Variants in DLG2 observed in about 807,000 individuals in gnomAD.
The protein encoded by DLG2 is discs large MAGUK scaffold protein 2.
In DLG2, 45 loss-of-function variants were observed where a neutral mutation model predicts 132.5. The ratio of observed to expected loss-of-function variants is 0.34; its 90% CI spans 0.27 to 0.44. The LOEUF (loss-of-function observed/expected upper bound fraction) is 0.44. Among genes scored for constraint, DLG2 ranks in the 20% least tolerant of loss-of-function variants. DLG2 has a pLI of 1.00. For missense variants in DLG2, 1,045 were observed against 1,196.9 expected (o/e 0.87, Z 1.87); for synonymous variants, 424 against 419.6 (o/e 1.01, Z -0.13).
At chr11:84,333,788 C>G (rs554010909) in intron 7 of DLG2, among the ~76,000 whole-genome samples, 25 of 152,278 alleles carry the variant, frequency 1.6e-4, no homozygotes. Flanking sequence ...CCTAGTATCA[C>G]TCATACTGGG....
intron 3 of DLG2, among the ~76,000 whole-genome samples, chr11:85,454,945 T>C (rs1202064447): frequency 6.6e-6 from 1 of 152,200 alleles, no homozygotes; most frequent in Non-Finnish European, 1.5e-5. Context: ...TACTTTGAAG[T>C]CAGGTAACAT....
At chr11:84,899,938 T>A (rs927736101) in intron 6 of DLG2, among the ~76,000 whole-genome samples, 1 of 152,046 alleles carries the variant, frequency 6.6e-6, no homozygotes, top group Non-Finnish European at 1.5e-5. Flanking sequence ...TTCAGTGCAC[T>A]CAATAGTACC....
intron 6 of DLG2, among the ~76,000 whole-genome samples, chr11:84,540,144 G>A (rs1017425282): frequency 9.9e-5 from 15 of 152,118 alleles, no homozygotes; most frequent in African/African-American, 3.4e-4. Flanking sequence ...AGAACTTCAT[G>A]TCTAAAACAC....
At chr11:85,530,560 A>G (rs921298218) in intron 3 of DLG2, among the ~76,000 whole-genome samples, 1 of 152,012 alleles carries the variant, frequency 6.6e-6, no homozygotes, top group Non-Finnish European at 1.5e-5. Flanking sequence ...TCACCTTGTC[A>G]TCTGCCCACC....
intron 7 of DLG2, among the ~76,000 whole-genome samples, chr11:84,273,778 G>T (rs1180841151): frequency 6.6e-6 from 1 of 152,110 alleles, no homozygotes; most frequent in Admixed American, 6.6e-5. Context: ...TACTCACAGT[G>T]TCATTTAATA....
At chr11:83,885,573 A>T (rs539855986) in intron 15 of DLG2, among the ~76,000 whole-genome samples, 1 of 152,178 alleles carries the variant, frequency 6.6e-6, no homozygotes, top group African/African-American at 2.4e-5. Context: ...GCAGGCCAAC[A>T]TTCAGATTCA....
intron 7 of DLG2, among the ~76,000 whole-genome samples, chr11:84,506,084 T>TTTTTTTTTG (rs2099239242): frequency 7.7e-6 from 1 of 130,024 alleles, no homozygotes; most frequent in Non-Finnish European, 1.6e-5. Context: ...CAGTTCTTTT[T>TTTTTTTTTG]TTTTTTTTTG....
At chr11:84,290,176 T>C (rs1202995752) in intron 7 of DLG2, among the ~76,000 whole-genome samples, 1 of 152,172 alleles carries the variant, frequency 6.6e-6, no homozygotes, top group African/African-American at 2.4e-5. Flanking sequence ...TAACCTTATT[T>C]CATTCTATAT....
chr11:84,499,707 TC>T (rs545656966), intron 7 of DLG2, among the ~76,000 whole-genome samples: 70 of 152,288 alleles, frequency 4.6e-4, no homozygotes, highest in African/African-American at 1.7e-3. Flanking sequence ...TTCACTGTTC[TC>T]TCTTTCTGTC....
intron 15 of DLG2, among the ~76,000 whole-genome samples, chr11:83,926,665 C>T (rs1042483990): frequency 2.6e-5 from 4 of 151,974 alleles, no homozygotes; most frequent in Admixed American, 6.6e-5. Flanking sequence ...TGTAATAAGA[C>T]GTAGACTGTG....
intron 6 of DLG2, chr11:84,640,202 C>A: frequency 3.5e-6 from 1 of 284,008 alleles, no homozygotes; most frequent in Non-Finnish European, 6.8e-6. Flanking sequence ...TGTCTGTACT[C>A]TTTGTAGTCA....
At chr11:84,452,127 G>A (rs911709848) in intron 7 of DLG2, among the ~76,000 whole-genome samples, 2 of 151,164 alleles carry the variant, frequency 1.3e-5, no homozygotes, top group African/African-American at 4.9e-5. Flanking sequence ...AAAAAAAGAA[G>A]GAAGAAGGAG....
chr11:83,845,269 A>G (rs1312259818), intron 16 of DLG2, among the ~76,000 whole-genome samples: 1 of 152,222 alleles, frequency 6.6e-6, no homozygotes, highest in African/African-American at 2.4e-5. Flanking sequence ...AGATCTTTTT[A>G]GTAGAATGAG....
At chr11:85,130,676 C>T (rs1398407961) in intron 5 of DLG2, among the ~76,000 whole-genome samples, 2 of 152,062 alleles carry the variant, frequency 1.3e-5, no homozygotes, top group Non-Finnish European at 2.9e-5. Context: ...GAACTTATTG[C>T]TGGGGGATAA....
chr11:83,631,663 A>C (rs1462730474), intron 19 of DLG2: 1 of 152,200 alleles, frequency 6.6e-6, no homozygotes, highest in Non-Finnish European at 1.5e-5. Flanking sequence ...AATAGCTATT[A>C]GCAATATATT....
At chr11:84,598,999 C>A (rs551875872) in intron 6 of DLG2, among the ~76,000 whole-genome samples, 2 of 152,110 alleles carry the variant, frequency 1.3e-5, no homozygotes, top group East Asian at 3.9e-4. Flanking sequence ...AATTGCAGCA[C>A]TTTGGGAGGC....
chr11:84,309,839 G>A (rs1245060446), intron 7 of DLG2, among the ~76,000 whole-genome samples: 2 of 152,180 alleles, frequency 1.3e-5, no homozygotes, highest in East Asian at 3.8e-4. Context: ...GTGTCTCTCT[G>A]CACTTTTATT....
chr11:84,761,296 T>C (rs2067598941), intron 6 of DLG2, among the ~76,000 whole-genome samples: 1 of 152,232 alleles, frequency 6.6e-6, no homozygotes, highest in Non-Finnish European at 1.5e-5. Flanking sequence ...TAACATTTGG[T>C]AATGAAGCCA....
chr11:84,569,852 C>G (rs1304190322), intron 6 of DLG2, among the ~76,000 whole-genome samples: 1 of 152,156 alleles, frequency 6.6e-6, no homozygotes. Context: ...CATTTTAGCC[C>G]TTGACTGGAC....
Sources: allele counts gnomAD v4.1 joint callset (sites outside exome capture counted in the v4.1 genomes callset), GRCh38; gene constraint gnomAD v4.1.1; transcripts MANE v1.5; gene names NCBI Gene and HGNC (gene_info 2026-07-23, HGNC 2026-07-21).